CEP85: variants seen among roughly 807,000 people sequenced by gnomAD.
CEP85 encodes the protein centrosomal protein of 85 kDa.
Under a neutral mutation model 93.7 loss-of-function variants are expected in CEP85, and 58 were observed. That is an observed-to-expected ratio of 0.62 (90% CI 0.50 to 0.77). CEP85 has a LOEUF of 0.77. CEP85 is among the 30% of genes least tolerant of loss of function. The probability of loss-of-function intolerance (pLI) is 0.00; values close to 1 mark genes in which losing one functional copy is unlikely to be tolerated. For synonymous variants in CEP85, 314 were observed against 338.6 expected (o/e 0.93, Z 0.80); for missense variants, 868 against 922.0 (o/e 0.94, Z 0.76).
chr1:26,271,972 C>CA (rs1375961306), intron 10 of CEP85, 49 bp from the exon 11 acceptor site: 1 of 1,586,400 alleles, frequency 6.3e-7, no homozygotes, highest in Non-Finnish European at 8.6e-7. Context: ...CCTCTGTCCT[C>CA]ACCGTCAGCC....
At chr1:26,273,216 A>G (rs1204606088) in intron 11 of CEP85, among the ~76,000 whole-genome samples, 1 of 152,220 alleles carries the variant, frequency 6.6e-6, no homozygotes, top group African/African-American at 2.4e-5. Context: ...ATTTTGGGCC[A>G]GAGTGGGAGT....
chr1:26,238,012 A>AT (rs1328297711), intron 1 of CEP85, among the ~76,000 whole-genome samples: 4 of 151,832 alleles, frequency 2.6e-5, no homozygotes, highest in African/African-American at 7.3e-5. Context: ...GTGGAGGATG[A>AT]TACCCTTTCT....
intron 7 of CEP85, among the ~76,000 whole-genome samples, chr1:26,260,079 C>T (rs1425159590): frequency 6.6e-6 from 1 of 152,226 alleles, no homozygotes; most frequent in African/African-American, 2.4e-5. Context: ...GTACCACCAG[C>T]TGGTCTGGGT....
intron 2 of CEP85, 58 bp from the exon 3 acceptor site, chr1:26,244,108 T>C (rs2089471712): frequency 1.3e-6 from 2 of 1,510,512 alleles, no homozygotes; most frequent in African/African-American, 1.4e-5. Context: ...TAAAAAAAGA[T>C]CTGATGGGGT....
intron 11 of CEP85, among the ~76,000 whole-genome samples, chr1:26,274,466 A>T (rs1487102627): frequency 6.6e-6 from 1 of 152,214 alleles, no homozygotes; most frequent in African/African-American, 2.4e-5. Flanking sequence ...TATTAAGCAG[A>T]TGTACTCGTA....
intron 8 of CEP85, 143 bp from the exon 9 acceptor site, chr1:26,269,317 C>A: frequency 1.4e-6 from 1 of 725,290 alleles, no homozygotes; most frequent in Non-Finnish European, 2.3e-6. Flanking sequence ...CGAGGAGCAC[C>A]CTTTCTGCAG....
intron 7 of CEP85, among the ~76,000 whole-genome samples, chr1:26,261,648 A>C (rs1570017215): frequency 6.6e-6 from 1 of 151,750 alleles, no homozygotes; most frequent in Non-Finnish European, 1.5e-5. Context: ...TAATTCCAGC[A>C]CTTTGGGAGA....
Position 26,255,327 on chromosome 1 carries a change from G to A in CEP85, c.365G>A (p.Gly122Glu), listed in dbSNP as rs776856130. Residue 122 changes from glycine to glutamate, a missense_variant, in exon 4 of 14, where the codon GGG becomes GAG. By Grantham distance (98) the Gly-to-Glu change is moderately conservative. Transcript: ENST00000451429. ...GPSSSKLPLS[G>E]LAESVGMTRN... ...TCTTCCTCTAAACTCCCTTTGTCAG[G>A]GTTGGCTGAAAGTGTGGGAATGACA... 4 of 1,614,124 alleles carry A rather than the reference G, an allele frequency of 2.5e-6. No homozygotes were observed. The highest frequency in any genetic ancestry group is 3.4e-6 in the Non-Finnish European group (4 of 1,180,042).
Position 26,255,535 on chromosome 1 carries a change from G to A in CEP85, c.573G>A (p.Ser191=), listed in dbSNP as rs1313751091. The change falls in exon 4 of 14, where the codon TCG becomes TCA. Residue 191 remains serine (S), a synonymous_variant. Coordinates refer to ENST00000451429, the MANE Select transcript of CEP85 (RefSeq NM_001319944.2). ...GCATGGAATCTACCCTCAATCAGTC[G>A]GCAATGATGGAGACACTTTATTCAG... The part of the protein sequence containing the change: ...IPSMESTLNQ[S]AMMETLYSDP... 5.0e-6 allele frequency: 8 copies of A among 1,613,908 alleles called. No homozygotes were observed. Among genetic ancestry groups the A allele is most frequent in the East Asian group, 2.2e-5 (1 of 44,894 alleles).
At position 26,259,841 on chromosome 1, in the gene CEP85, T is replaced by C. The variant is rs778910706; in HGVS notation, c.1341+39T>C. 6 of 1,543,060 alleles carry C rather than the reference T, an allele frequency of 3.9e-6. No individual in the cohort carries two copies. In the East Asian group the frequency reaches 1.4e-4, roughly 35 times the overall value. On this transcript the variant is annotated intron_variant, in intron 7 of 13. Coordinates refer to ENST00000451429, the MANE Select transcript of CEP85 (RefSeq NM_001319944.2). ...CTGATAGCCCTAGTTCACAAAGGAG[T>C]TGGCAGTCAGCTGTCTACTCTAAAG...
intron 9 of CEP85, among the ~76,000 whole-genome samples, chr1:26,270,596 C>T (rs547999563): frequency 5.9e-5 from 9 of 152,276 alleles, no homozygotes; most frequent in African/African-American, 1.7e-4. Context: ...TGGAGGAAAC[C>T]ATTGGTTAGA....
intron 11 of CEP85, chr1:26,272,406 T>C (rs541429024): frequency 6.7e-6 from 2 of 298,494 alleles, no homozygotes; most frequent in African/African-American, 4.2e-5. Context: ...TAGGATGTGT[T>C]GGATTCCAGA....
At chr1:26,255,062 GCT>G in intron 3 of CEP85, 107 bp from the exon 4 acceptor site, 1 of 829,002 alleles carries the variant, frequency 1.2e-6, no homozygotes, top group Non-Finnish European at 1.9e-6. Context: ...TGATGATGGT[GCT>G]CTCTCTGCTT....
At chr1:26,254,299 C>T (rs4659415) in intron 3 of CEP85, among the ~76,000 whole-genome samples, 21,698 of 152,084 alleles carry the variant, frequency 0.14, 1,990 homozygotes, top group Middle Eastern at 0.22. Flanking sequence ...AGTAGTCCCC[C>T]TCAGAGTAGT....
At chr1:26,249,117 T>C (rs558924219) in intron 3 of CEP85, among the ~76,000 whole-genome samples, 35 of 152,348 alleles carry the variant, frequency 2.3e-4, no homozygotes, top group African/African-American at 7.7e-4. Flanking sequence ...AGTCTCACTC[T>C]GTCACCCAGG....
intron 3 of CEP85, among the ~76,000 whole-genome samples, chr1:26,250,141 A>G (rs2089582803): frequency 1.3e-5 from 2 of 150,696 alleles, no homozygotes; most frequent in Admixed American, 1.3e-4. Context: ...ATTCTAAACC[A>G]CAGACCAGAC....
rs1192252673 is a variant in CEP85 at position 26,235,567 on chromosome 1, C to CTTTTTTTT, written c.-23+1270_-23+1277dup. 6.8e-4 allele frequency among the ~76,000 whole-genome samples: 65 copies of CTTTTTTTT among 95,576 alleles called. 4 individuals are homozygous for CTTTTTTTT. The highest frequency in any genetic ancestry group is 2.5e-3 in the African/African-American group (56 of 22,712). The allele number at this position is 95,576 out of a possible 152,430, so 62.7% of individuals were successfully genotyped here. On this transcript the variant is annotated intron_variant, in intron 1 of 13. Transcript: ENST00000451429. ...GATGTTCCACACTTAGATTGTAATT[C>CTTTTTTTT]TTTTTTTTTTTTTTTTTTTTGTGAG...
intron 11 of CEP85, among the ~76,000 whole-genome samples, chr1:26,272,586 C>G (rs17163806): frequency 0.2 from 26,417 of 131,232 alleles, 2,960 homozygotes; most frequent in African/African-American, 0.34. Context: ...AGCTTTTATT[C>G]TTTATGTAGG....
At chr1:26,252,145 C>T (rs1488763342) in intron 3 of CEP85, among the ~76,000 whole-genome samples, 2 of 152,062 alleles carry the variant, frequency 1.3e-5, no homozygotes, top group African/African-American at 2.4e-5. Flanking sequence ...GCAGAAGAGT[C>T]GCTTGAACCC....
Sources: allele counts gnomAD v4.1 joint callset (sites outside exome capture counted in the v4.1 genomes callset), GRCh38; gene constraint gnomAD v4.1.1; transcripts MANE v1.5; gene names NCBI Gene and HGNC (gene_info 2026-07-23, HGNC 2026-07-21).